Variants in DDX10 observed in about 807,000 individuals in gnomAD.
DDX10 encodes probable ATP-dependent RNA helicase DDX10.
DDX10 carries 74 observed loss-of-function variants against 104.3 expected under a neutral mutation model. The observed-to-expected ratio is 0.71, with a 90% confidence interval of 0.59 to 0.86. The LOEUF is 0.86. Ranked by LOEUF, DDX10 falls within the 40% of genes least tolerant of loss-of-function variation. The pLI is 0.00. For synonymous variants in DDX10, 351 were observed against 353.4 expected (o/e 0.99, Z 0.08); for missense variants, 952 against 1,040.0 (o/e 0.92, Z 1.16).
intron 16 of DDX10, among the ~76,000 whole-genome samples, chr11:108,902,396 G>A (rs750067734): frequency 9.2e-5 from 14 of 152,148 alleles, no homozygotes; most frequent in Non-Finnish European, 1.9e-4. Flanking sequence ...AGTGAAGTTG[G>A]TTCTTCATGA....
chr11:108,737,168 G>A (rs2094319406), intron 13 of DDX10, among the ~76,000 whole-genome samples: 1 of 152,130 alleles, frequency 6.6e-6, no homozygotes, highest in Non-Finnish European at 1.5e-5. Flanking sequence ...ATAAAATGTA[G>A]TTCTTCCTCA....
At chr11:108,691,592 TTTTTC>T (rs1457834769) in intron 7 of DDX10, among the ~76,000 whole-genome samples, 1 of 152,340 alleles carries the variant, frequency 6.6e-6, no homozygotes, top group African/African-American at 2.4e-5. Flanking sequence ...TAAAATAAGT[TTTTTC>T]TTTTGTAGAA....
chr11:108,866,135 T>C (rs1050383651), intron 16 of DDX10, among the ~76,000 whole-genome samples: 3 of 152,156 alleles, frequency 2.0e-5, no homozygotes, highest in African/African-American at 7.2e-5. Flanking sequence ...GGATTCAGAA[T>C]TCCATTTTGG....
chr11:108,910,781 G>GTGTGTGTGTGTGTGTC (rs1863663898), intron 16 of DDX10, among the ~76,000 whole-genome samples: 1 of 130,608 alleles, frequency 7.7e-6, no homozygotes, highest in Non-Finnish European at 1.7e-5. Flanking sequence ...GTGTGTGTGT[G>GTGTGTGTGTGTGTGTC]TGTGTGTGTC....
rs754807449 is a variant in DDX10, at chr11:108,715,864, C to T, written c.1323-15C>T. The T allele has an allele frequency of 1.3e-4, 171 of 1,339,002 alleles. No homozygotes were observed. Among genetic ancestry groups the T allele is most frequent in the Non-Finnish European group, 1.7e-4 (158 of 944,880 alleles). The allele number at this position is 1,339,002 out of a possible 1,614,324, so 82.9% of individuals were successfully genotyped here. ...TGAGATATCTTATTTTAACCTTTAT[C>T]TTTTTGTTACAAAGAATCAATCCAG... is the stretch of plus-strand genomic sequence containing the variant. On this transcript the variant is annotated splice_polypyrimidine_tract_variant and intron_variant, in intron 10 of 17. Transcript: ENST00000322536.
In DDX10 at chr11:108,665,220, T is replaced by A; in HGVS notation, c.67T>A (p.Trp23Arg). The change falls in exon 1 of 18, where the codon TGG (tryptophan) becomes AGG (arginine). Residue 23 changes from tryptophan to arginine, a missense_variant. Transcript: ENST00000322536. ...RPDPVRSFNR[W>R]KKKHSHRQNK... ...CGACCCGGTGCGGAGCTTCAATCGC[T>A]GGAAGAAAAAACACAGCCATAGGCA... The A allele has an allele frequency of 6.2e-7, 1 of 1,613,102 alleles. No homozygotes were observed. The highest frequency in any genetic ancestry group is 8.5e-7 in the Non-Finnish European group (1 of 1,179,688).
At chr11:108,683,910 C>T (rs2094239061) in intron 6 of DDX10, among the ~76,000 whole-genome samples, 1 of 151,944 alleles carries the variant, frequency 6.6e-6, no homozygotes, top group South Asian at 2.1e-4. Context: ...TAAAAATGAA[C>T]TCAGATTTAA....
chr11:108,737,679 GC>G (rs1402768624), intron 13 of DDX10, among the ~76,000 whole-genome samples: 1 of 152,166 alleles, frequency 6.6e-6, no homozygotes, highest in East Asian at 1.9e-4. Flanking sequence ...AAAGGATGAA[GC>G]TAATATTTTC....
chr11:108,680,574 A>G (rs901971067), intron 6 of DDX10, among the ~76,000 whole-genome samples: 2 of 152,216 alleles, frequency 1.3e-5, no homozygotes, highest in African/African-American at 4.8e-5. Context: ...TATATTTGGT[A>G]TGAATCACTG....
At chr11:108,696,922 G>A (rs185235897) in intron 9 of DDX10, among the ~76,000 whole-genome samples, 56 of 152,116 alleles carry the variant, frequency 3.7e-4, no homozygotes, top group African/African-American at 1.3e-3. Flanking sequence ...CTAGAGGGGG[G>A]AATATTTCAA....
chr11:108,872,818 GT>G (rs1460939268), intron 16 of DDX10, among the ~76,000 whole-genome samples: 1 of 144,978 alleles, frequency 6.9e-6, no homozygotes, highest in South Asian at 2.4e-4. Flanking sequence ...GCTAATTTCC[GT>G]TCCCCCCCCC....
chr11:108,805,309 A>G (rs370702995), intron 13 of DDX10, among the ~76,000 whole-genome samples: 7 of 152,352 alleles, frequency 4.6e-5, no homozygotes, highest in African/African-American at 1.7e-4. Flanking sequence ...CATATGTTTG[A>G]GCCTCCACAC....
At chr11:108,928,897 G>A (rs1048933608) in intron 17 of DDX10, among the ~76,000 whole-genome samples, 3 of 152,140 alleles carry the variant, frequency 2.0e-5, no homozygotes, top group Non-Finnish European at 4.4e-5. Context: ...TTTCCTCATT[G>A]AAGTCATTCA....
intron 6 of DDX10, among the ~76,000 whole-genome samples, chr11:108,685,876 A>G (rs1395445656): frequency 6.6e-6 from 1 of 152,226 alleles, no homozygotes; most frequent in African/African-American, 2.4e-5. Flanking sequence ...TAAAAGTTTA[A>G]GATTCCTTTG....
At chr11:108,864,739 T>C (rs576475629) in intron 16 of DDX10, among the ~76,000 whole-genome samples, 1 of 152,268 alleles carries the variant, frequency 6.6e-6, no homozygotes, top group African/African-American at 2.4e-5. Context: ...GGATTACAGG[T>C]GTGAGCCACC....
intron 3 of DDX10, among the ~76,000 whole-genome samples, chr11:108,676,604 G>A (rs190127486): frequency 2.6e-5 from 4 of 152,188 alleles, no homozygotes; most frequent in Admixed American, 2.0e-4. Context: ...GGGCTACCAC[G>A]CCAAGCTGAT....
intron 16 of DDX10, among the ~76,000 whole-genome samples, chr11:108,862,831 T>C (rs1591100490): frequency 6.6e-6 from 1 of 152,190 alleles, no homozygotes. Context: ...CACTAAGAGC[T>C]ATTGAATTGG....
intron 13 of DDX10, among the ~76,000 whole-genome samples, chr11:108,773,649 C>G (rs994681615): frequency 2.6e-5 from 4 of 151,906 alleles, no homozygotes; most frequent in Non-Finnish European, 5.9e-5. Context: ...CATTGCACAA[C>G]TGTATTGATA....
chr11:108,775,568 A>G (rs2134532178), intron 13 of DDX10, among the ~76,000 whole-genome samples: 1 of 152,366 alleles, frequency 6.6e-6, no homozygotes, highest in South Asian at 2.1e-4. Context: ...CTCAGGTAGC[A>G]TGTGAGAACA....
Sources: gnomAD v4.1 joint callset for allele counts (sites outside exome capture counted in the v4.1 genomes callset) on GRCh38, gnomAD v4.1.1 for gene constraint, MANE v1.5 for transcripts, NCBI Gene and HGNC (gene_info 2026-07-23, HGNC 2026-07-21) for gene names.